The following RPAP3 variants were observed in gnomAD, a reference collection of about 807,000 sequenced individuals.
The protein encoded by RPAP3 is RNA polymerase II associated protein 3, also known as RNA polymerase II-associated protein 3.
Under a neutral mutation model 88.8 loss-of-function variants are expected in RPAP3, and 58 were observed. That is an observed-to-expected ratio of 0.65 (90% CI 0.53 to 0.81). The LOEUF (loss-of-function observed/expected upper bound fraction) is 0.81. Among genes scored for constraint, RPAP3 ranks in the 40% least tolerant of loss-of-function variants. The pLI, the probability that RPAP3 is intolerant of heterozygous loss-of-function variation, is 0.00. For missense variants in RPAP3, 751 were observed against 764.3 expected (o/e 0.98, Z 0.20); for synonymous variants, 255 against 259.9 (o/e 0.98, Z 0.18).
rs144820254 is a variant in RPAP3 at position 47,693,251 on chromosome 12, A to G, written c.546-2612T>C. The stretch of plus-strand genomic sequence containing the variant: ...TCAGGGAATAGGGAAGCCCAAGGAG[A>G]AGGAGAGAGATGGGGGGTCGGGGGT... On this transcript the variant is annotated intron_variant, in intron 5 of 16. Transcript: ENST00000005386. Among the ~76,000 whole-genome samples the G allele has an allele frequency of 2.1e-4, 32 of 152,124 alleles. No individual in the cohort carries two copies. In the East Asian group the frequency reaches 4.4e-3, roughly 21 times the overall value.
At position 47,703,062 on chromosome 12, in the gene RPAP3, C is replaced by T. The variant is rs1338012398; in HGVS notation, c.-6-216G>A. Among the ~76,000 whole-genome samples, 2 of 152,140 alleles carry T rather than the reference C, an allele frequency of 1.3e-5. No individual in the cohort carries two copies. Among genetic ancestry groups the T allele is most frequent in the Non-Finnish European group, 2.9e-5 (2 of 68,024 alleles). On this transcript the variant is annotated intron_variant, in intron 1 of 16. Transcript: ENST00000005386. ...TGAAAAATAGACAAGTTGAAGCATCCTTGAAAGGCAACATTAAAGAAAGGT... is the reference window on the plus strand; with the variant it reads ...TGAAAAATAGACAAGTTGAAGCATCTTTGAAAGGCAACATTAAAGAAAGGT...
chr12:47,704,567 G>A (rs1308192666), intron 1 of RPAP3, among the ~76,000 whole-genome samples: 3 of 151,064 alleles, frequency 2.0e-5, no homozygotes, highest in East Asian at 2.0e-4. Flanking sequence ...TAGTAGAGAC[G>A]GGGTTTCACC....
Position 47,679,105 on chromosome 12 carries a change from T to C in RPAP3, c.1287+388A>G, listed in dbSNP as rs1171088148. Among the ~76,000 whole-genome samples, 4 of 152,178 alleles carry C rather than the reference T, an allele frequency of 2.6e-5. No individual in the cohort carries two copies. The South Asian group carries it at 6.2e-4, about 24-fold the overall frequency. On this transcript the variant is annotated intron_variant, in intron 12 of 16. Transcript: ENST00000005386. ...TGAGTTCATGCCCTTTGCAGGGACA[T>C]GGATGAAGCTGGAAACCATCATTCT... is the stretch of plus-strand genomic sequence containing the variant.
chr12:47,700,806 G>T (rs1186806380), intron 3 of RPAP3, among the ~76,000 whole-genome samples: 2 of 152,174 alleles, frequency 1.3e-5, no homozygotes, highest in East Asian at 1.9e-4. Context: ...TCGTCACACA[G>T]CCCCAGTCCT....
In RPAP3 at chr12:47,686,946, A is replaced by T. The variant is rs760913002; in HGVS notation, c.865-39T>A. On this transcript the variant is annotated intron_variant, in intron 8 of 16. Coordinates refer to ENST00000005386, the MANE Select transcript of RPAP3 (RefSeq NM_024604.3). ...GAGAGATATGGAGAATAAAAAAAAA[A>T]TTTCAAAAAAAATAAATGAATTCAA... 1.2e-5 allele frequency: 15 copies of T among 1,250,306 alleles called. 1 individual carries two copies. Among genetic ancestry groups the T allele is most frequent in the South Asian group, 9.2e-5 (6 of 65,134 alleles). The allele number at this position is 1,250,306 out of a possible 1,614,324, so 77.5% of individuals were successfully genotyped here.
chr12:47,693,359 CA>C (rs1271928164), intron 5 of RPAP3, among the ~76,000 whole-genome samples: 2 of 152,070 alleles, frequency 1.3e-5, no homozygotes, highest in African/African-American at 4.8e-5. Context: ...ATAGAAACAT[CA>C]AAGATCCCTG....
Position 47,667,801 on chromosome 12 carries a change from T to G in RPAP3, c.1764A>C (p.Pro588=). Residue 588 remains proline, a synonymous_variant, in exon 15 of 17, where the codon CCA becomes CCC. Transcript: ENST00000005386. ...YPKLFQKNLD[P]DVFNQIVKIL... ...TTTTAACGATCTGGTTGAATACATC[T>G]GGATCCAGATTTTTCTGAAACAACT... 1 of 1,608,934 alleles carries G rather than the reference T, an allele frequency of 6.2e-7. No homozygotes were observed. Among genetic ancestry groups the G allele is most frequent in the Non-Finnish European group, 8.5e-7 (1 of 1,177,248 alleles).
At chr12:47,672,640 T>A (rs766928507) in intron 12 of RPAP3, among the ~76,000 whole-genome samples, 3 of 151,300 alleles carry the variant, frequency 2.0e-5, no homozygotes, top group Non-Finnish European at 4.4e-5. Context: ...TTTTTTTTTA[T>A]CATGAAGATC....
At chr12:47,687,816 AG>A in intron 8 of RPAP3, 59 bp downstream of exon 8, 1 of 1,536,746 alleles carries the variant, frequency 6.5e-7, no homozygotes, top group South Asian at 1.2e-5. Context: ...CTGATATACA[AG>A]AAATAAATCA....
chr12:47,687,812 T>C (rs1592479913), intron 8 of RPAP3, 64 bp downstream of exon 8: 10 of 1,524,416 alleles, frequency 6.6e-6, no homozygotes, highest in Admixed American at 2.1e-5. Flanking sequence ...TTAACTGATA[T>C]ACAAGAAATA....
At chr12:47,691,479 T>C (rs572101980) in intron 5 of RPAP3, among the ~76,000 whole-genome samples, 11 of 152,382 alleles carry the variant, frequency 7.2e-5, no homozygotes, top group Admixed American at 6.5e-4. Flanking sequence ...ACATTCTTAA[T>C]GGCATCTAAA....
intron 5 of RPAP3, chr12:47,695,828 C>T (rs1592485317): frequency 6.6e-6 from 1 of 152,258 alleles, no homozygotes; most frequent in East Asian, 1.9e-4. Context: ...GACAATACCA[C>T]ATTTATATTC....
chr12:47,667,124 G>A, intron 15 of RPAP3, 44 bp from the exon 16 acceptor site: 1 of 868,296 alleles, frequency 1.2e-6, no homozygotes, highest in Non-Finnish European at 1.7e-6. Context: ...GTTAAAAGCA[G>A]CTCATTTATT....
At chr12:47,668,527 T>C (rs1938929852) in intron 14 of RPAP3, among the ~76,000 whole-genome samples, 1 of 152,260 alleles carries the variant, frequency 6.6e-6, no homozygotes, top group African/African-American at 2.4e-5. Context: ...GCTAATTCAT[T>C]ATTTGCTAAA....
rs191721853 is a variant in RPAP3, at chr12:47,677,580, C to T, written c.1287+1913G>A. Among the ~76,000 whole-genome samples the T allele has an allele frequency of 7.9e-5, 12 of 152,120 alleles. 1 individual carries two copies. The highest frequency in any genetic ancestry group is 7.2e-4 in the Admixed American group (11 of 15,274). ...AAAATCAATGTGCAAAAATCACAAGCATTCCTATACACCATTAACAGACAA... is the reference window on the plus strand; with the variant it reads ...AAAATCAATGTGCAAAAATCACAAGTATTCCTATACACCATTAACAGACAA... On this transcript the variant is annotated intron_variant, in intron 12 of 16. Transcript: ENST00000005386.
intron 5 of RPAP3, among the ~76,000 whole-genome samples, chr12:47,693,047 T>C (rs1055312041): frequency 2.6e-5 from 4 of 152,064 alleles, no homozygotes; most frequent in African/African-American, 9.7e-5. Flanking sequence ...ACCTGGCTAA[T>C]TGTTTGTATT....
intron 9 of RPAP3, among the ~76,000 whole-genome samples, chr12:47,683,600 TAG>T (rs1939269707): frequency 6.6e-6 from 1 of 152,206 alleles, no homozygotes; most frequent in African/African-American, 2.4e-5. Flanking sequence ...TCTTTGAAAA[TAG>T]ACTCACCTAA....
rs1246235545 is a variant in RPAP3, at chr12:47,662,997, T to C, written c.*508A>G. On this transcript the variant is annotated 3_prime_UTR_variant, in exon 17 of 17. Transcript: ENST00000005386. Reference sequence around the variant, plus strand: ...TTTGAAAGTCTAGTTAAAAGTCTTCTTTCTTTCAACATAAATACTAAAAAT... The same window carrying C: ...TTTGAAAGTCTAGTTAAAAGTCTTCCTTCTTTCAACATAAATACTAAAAAT... 1.3e-5 allele frequency: 2 copies of C among 152,326 alleles called. No individual in the cohort carries two copies. The highest frequency in any genetic ancestry group is 2.9e-5 in the Non-Finnish European group (2 of 68,092). 9.4% of individuals were successfully genotyped at this position (152,326 alleles called of 1,614,324 possible).
At chr12:47,695,653 G>A (rs1331554285) in intron 5 of RPAP3, among the ~76,000 whole-genome samples, 5 of 152,166 alleles carry the variant, frequency 3.3e-5, no homozygotes, top group East Asian at 3.9e-4. Context: ...AATTTTTAGA[G>A]ATTAATATCA....
Sources: gnomAD v4.1 joint callset for allele counts (sites outside exome capture counted in the v4.1 genomes callset) on GRCh38, gnomAD v4.1.1 for gene constraint, MANE v1.5 for transcripts, NCBI Gene and HGNC (gene_info 2026-07-23, HGNC 2026-07-21) for gene names.